DOCK5: variants seen among roughly 807,000 people sequenced by gnomAD.
DOCK5 encodes dedicator of cytokinesis 5.
In DOCK5, 142 loss-of-function variants were observed where a neutral mutation model predicts 251.8. That is an observed-to-expected ratio of 0.56 (90% CI 0.49 to 0.65). The LOEUF is 0.65. Among genes scored for constraint, DOCK5 ranks in the 30% least tolerant of loss-of-function variants. The pLI is 0.00. For missense variants in DOCK5, 2,111 were observed against 2,312.3 expected (o/e 0.91, Z 1.79); for synonymous variants, 842 against 835.5 (o/e 1.01, Z -0.13).
At chr8:25,366,077 G>A (rs1369727094) in intron 30 of DOCK5, among the ~76,000 whole-genome samples, 1 of 152,062 alleles carries the variant, frequency 6.6e-6, no homozygotes, top group Non-Finnish European at 1.5e-5. Context: ...AATATCATCT[G>A]TTCTATGACT....
chr8:25,375,979 T>TC (rs1800956073), intron 37 of DOCK5: 18 of 748,494 alleles, frequency 2.4e-5, no homozygotes, highest in Non-Finnish European at 2.9e-5. Context: ...CTGCCTGTAG[T>TC]CCCAGCTACT....
At chr8:25,188,881 C>T (rs2117435707) in intron 1 of DOCK5, among the ~76,000 whole-genome samples, 2 of 152,134 alleles carry the variant, frequency 1.3e-5, no homozygotes, top group Admixed American at 1.3e-4. Context: ...ATATAAAACA[C>T]TTTTAAGCAA....
chr8:25,364,710 C>G lies in DOCK5; in HGVS notation c.3123+6C>G. ...AGGCAAGCTTTGAACTTCAGGTAGG[C>G]ATGTGACTCACCTACCTGCTTCTAG... On this transcript the variant is annotated splice_donor_region_variant and intron_variant, in intron 30 of 51. Transcript: ENST00000276440. 1 of 1,577,932 alleles carries G rather than the reference C, an allele frequency of 6.3e-7. No homozygotes were observed. The highest frequency in any genetic ancestry group is 1.2e-5 in the South Asian group (1 of 86,768).
At chr8:25,309,641 G>T (rs1234889404) in intron 12 of DOCK5, among the ~76,000 whole-genome samples, 1 of 152,116 alleles carries the variant, frequency 6.6e-6, no homozygotes, top group Non-Finnish European at 1.5e-5. Context: ...TGTAAAAATT[G>T]TAGTTTTTAG....
At chr8:25,208,704 A>T (rs1378183565) in intron 1 of DOCK5, among the ~76,000 whole-genome samples, 1 of 152,194 alleles carries the variant, frequency 6.6e-6, no homozygotes, top group Non-Finnish European at 1.5e-5. Flanking sequence ...GAACCGAAAA[A>T]TTTGTGTGAT....
At chr8:25,337,410 G>T (rs769192145) in intron 22 of DOCK5, among the ~76,000 whole-genome samples, 1 of 151,578 alleles carries the variant, frequency 6.6e-6, no homozygotes. Flanking sequence ...CAAAAAAGAA[G>T]ATTTTTAAGG....
chr8:25,277,715 G>T (rs879911492), intron 4 of DOCK5, among the ~76,000 whole-genome samples: 13 of 152,150 alleles, frequency 8.5e-5, no homozygotes, highest in Admixed American at 2.0e-4. Context: ...ACCAATTAGG[G>T]TTATACAGGA....
chr8:25,270,386 C>T (rs911812189), intron 3 of DOCK5, among the ~76,000 whole-genome samples: 3 of 152,060 alleles, frequency 2.0e-5, no homozygotes, highest in Admixed American at 6.5e-5. Context: ...TTGATTATGG[C>T]CACTCTTGCT....
intron 1 of DOCK5, among the ~76,000 whole-genome samples, chr8:25,226,175 TAA>T (rs750203212): frequency 1.2e-4 from 18 of 151,728 alleles, no homozygotes; most frequent in South Asian, 2.1e-4. Flanking sequence ...AAGAAAAAAG[TAA>T]AATAAAATTT....
Position 25,400,990 on chromosome 8 carries a change from C to A in DOCK5, c.4850C>A (p.Pro1617Gln). 1 of 1,613,976 alleles carries A rather than the reference C, an allele frequency of 6.2e-7. No homozygotes were observed. Among genetic ancestry groups the A allele is most frequent in the Non-Finnish European group, 8.5e-7 (1 of 1,179,894 alleles). ...GAGAAACTCACAGAGCAGCTGAAGC[C>A]GCTGCATGAGCGGTTGTCTTCTTGC... ...HGEKLTEQLKPLHERLSSCFR... is the reference protein window; with the variant it reads ...HGEKLTEQLKQLHERLSSCFR... The change falls in exon 47 of 52, where the codon CCG becomes CAG. Residue 1617 changes from proline to glutamine, a missense_variant. Physicochemically the swap from Pro to Gln is moderately conservative, Grantham distance 76. Coordinates refer to ENST00000276440, the MANE Select transcript of DOCK5 (RefSeq NM_024940.8).
At chr8:25,283,775 C>T (rs1804266205) in intron 5 of DOCK5, among the ~76,000 whole-genome samples, 1 of 152,176 alleles carries the variant, frequency 6.6e-6, no homozygotes, top group Admixed American at 6.5e-5. Flanking sequence ...CATAGAGAAC[C>T]TGCTTGGTTT....
chr8:25,342,355 A>G, intron 24 of DOCK5, 46 bp from the exon 25 acceptor site: 1 of 1,467,038 alleles, frequency 6.8e-7, no homozygotes, highest in Non-Finnish European at 9.3e-7. Context: ...GATGCCTTCA[A>G]TTTGGCAGAA....
chr8:25,296,751 G>A, intron 7 of DOCK5, 103 bp downstream of exon 7: 12 of 1,431,482 alleles, frequency 8.4e-6, no homozygotes, highest in Non-Finnish European at 1.1e-5. Flanking sequence ...TACTTCTGTA[G>A]TTTTCGTCCT....
chr8:25,260,739 A>G (rs764568218), intron 2 of DOCK5, among the ~76,000 whole-genome samples: 49 of 152,060 alleles, frequency 3.2e-4, no homozygotes, highest in Non-Finnish European at 5.9e-4. Context: ...CACATTAGTA[A>G]TGTAAATCCT....
intron 42 of DOCK5, among the ~76,000 whole-genome samples, chr8:25,391,630 T>A (rs1332169969): frequency 1.3e-5 from 2 of 151,956 alleles, no homozygotes; most frequent in Admixed American, 6.6e-5. Context: ...AGAGTTAGAC[T>A]CTGACTCAAA....
At chr8:25,380,154 T>C (rs2117300177) in intron 38 of DOCK5, 151 bp from the exon 39 acceptor site, 1 of 642,330 alleles carries the variant, frequency 1.6e-6, no homozygotes, top group South Asian at 2.1e-5. Flanking sequence ...AAGGTTTCAC[T>C]GATCTAAGGG....
At position 25,190,299 on chromosome 8, in the gene DOCK5, C is replaced by T. The variant is rs1157611218; in HGVS notation, c.43+5348C>T. The stretch of plus-strand genomic sequence containing the variant: ...TGAAAACAGCCGTATTGAAATAGGC[C>T]GTGAAGGTGTTTTTCAAAGTTCGTG... On this transcript the variant is annotated intron_variant, in intron 1 of 51. Coordinates refer to ENST00000276440, the MANE Select transcript of DOCK5 (RefSeq NM_024940.8). Among the ~76,000 whole-genome samples the T allele has an allele frequency of 3.9e-5, 6 of 152,026 alleles. No individual in the cohort carries two copies. In the South Asian group the frequency reaches 8.3e-4, roughly 21 times the overall value.
rs530209902 is a variant in DOCK5, at chr8:25,361,787, C to T, written c.2950-1260C>T. On this transcript the variant is annotated intron_variant, in intron 28 of 51. Coordinates refer to ENST00000276440, the MANE Select transcript of DOCK5 (RefSeq NM_024940.8). Reference sequence around the variant, plus strand: ...GGCCAGGGAGAGTCATTCCCCATGCCGTTCAGCATCCAAAGTATAGGAAGT... The same window carrying T: ...GGCCAGGGAGAGTCATTCCCCATGCTGTTCAGCATCCAAAGTATAGGAAGT... Among the ~76,000 whole-genome samples, 12 of 152,162 alleles carry T rather than the reference C, an allele frequency of 7.9e-5. No individual in the cohort carries two copies. The East Asian group carries it at 1.2e-3, about 15-fold the overall frequency.
At chr8:25,234,357 C>G (rs1802741753) in intron 1 of DOCK5, among the ~76,000 whole-genome samples, 1 of 152,170 alleles carries the variant, frequency 6.6e-6, no homozygotes, top group South Asian at 2.1e-4. Flanking sequence ...AATCTTAGAT[C>G]TGTTCACCTT....
Sources: allele counts gnomAD v4.1 joint callset (sites outside exome capture counted in the v4.1 genomes callset), GRCh38; gene constraint gnomAD v4.1.1; transcripts MANE v1.5; gene names NCBI Gene and HGNC (gene_info 2026-07-23, HGNC 2026-07-21).